CEP290: variants seen among roughly 807,000 people sequenced by gnomAD.
CEP290 encodes centrosomal protein 290.
A neutral mutation model predicts 344.9 loss-of-function variants in CEP290; 317 were observed. The observed-to-expected ratio is 0.92, with a 90% CI of 0.84 to 1.01. The LOEUF (loss-of-function observed/expected upper bound fraction) is 1.01, where lower values mean the gene tolerates loss of function less well. CEP290 is among the 50% of genes least tolerant of loss of function. The probability of loss-of-function intolerance (pLI) is 0.00; values close to 1 mark genes in which losing one functional copy is unlikely to be tolerated. For synonymous variants in CEP290, 932 were observed against 895.8 expected, an observed-to-expected ratio of 1.04 and a Z score of -0.72; for missense variants, 2,754 against 2,761.4, an observed-to-expected ratio of 1.00 and a Z score of 0.06.
At chr12:88,056,265 A>C (rs1444526158) in intron 49 of CEP290, among the ~76,000 whole-genome samples, 2 of 152,076 alleles carry the variant, frequency 1.3e-5, no homozygotes, top group African/African-American at 4.8e-5. Flanking sequence ...TAGTTCAAAA[A>C]AATACAGACT....
At chr12:88,104,414 T>C (rs2038122137) in intron 25 of CEP290, among the ~76,000 whole-genome samples, 1 of 152,104 alleles carries the variant, frequency 6.6e-6, no homozygotes, top group Admixed American at 6.5e-5. Flanking sequence ...TAACCTGTCT[T>C]GTCTTTGTTT....
chr12:88,109,207 T>C, intron 22 of CEP290, 26 bp from the exon 23 acceptor site: 1 of 754,976 alleles, frequency 1.3e-6, no homozygotes, highest in South Asian at 1.9e-5. Context: ...GAAATAAGAA[T>C]GCAAAAAAAA....
chr12:88,138,274 A>T (rs2138242846), intron 5 of CEP290, among the ~76,000 whole-genome samples: 1 of 152,226 alleles, frequency 6.6e-6, no homozygotes, highest in African/African-American at 2.4e-5. Flanking sequence ...CTTTCCTACC[A>T]ATATCTTCAA....
Position 88,064,105 on chromosome 12 carries a change from A to G in CEP290, c.6146T>C (p.Ile2049Thr). 2 of 1,562,212 alleles carry G rather than the reference A, an allele frequency of 1.3e-6. No individual in the cohort carries two copies. The highest frequency in any genetic ancestry group is 1.7e-6 in the Non-Finnish European group (2 of 1,154,370). ...DTYSKPSISG[I>T]ESDDHCQREQ... ...TCTCTGACAATGATCATCTGACTCT[A>G]TTCCTGAAATCTTCAGGGAAATGAA... is the stretch of plus-strand genomic sequence containing the variant. The change falls in exon 45 of 54, where the codon ATA becomes ACA. Residue 2049 changes from isoleucine to threonine, a missense_variant. Ile to Thr is a moderately conservative substitution (Grantham distance 89). Transcript: ENST00000552810.
chr12:88,137,871 C>A (rs953018131), intron 5 of CEP290, among the ~76,000 whole-genome samples: 2 of 152,138 alleles, frequency 1.3e-5, no homozygotes, highest in African/African-American at 4.8e-5. Flanking sequence ...ATAGAAACTT[C>A]AGCTGCTTTC....
Position 88,059,500 on chromosome 12 carries a change from CG to C in CEP290, c.6645+397del, listed in dbSNP as rs2034289455. ...TCGGCTCACTGCAACCTCTGCCTCC[CG>C]GGTTCAAGCGATTCTCCTGCCTCAG... On this transcript the variant is annotated intron_variant, in intron 48 of 53. Transcript: ENST00000552810. 2.0e-5 allele frequency among the ~76,000 whole-genome samples: 3 copies of C among 151,768 alleles called. No individual in the cohort carries two copies. In the South Asian group the frequency reaches 6.3e-4, roughly 32 times the overall value.
Position 88,092,742 on chromosome 12 carries a change from C to A in CEP290, c.3400G>T (p.Asp1134Tyr), listed in dbSNP as rs533366479. 6.2e-7 allele frequency: 1 copy of A among 1,610,216 alleles called. No individual in the cohort carries two copies. The highest frequency in any genetic ancestry group is 1.3e-5 in the African/African-American group (1 of 74,838). The change falls in exon 29 of 54, where the codon GAT becomes TAT. Residue 1134 changes from aspartate to tyrosine, a missense_variant. Physicochemically the swap from Asp to Tyr is radical, Grantham distance 160. Transcript: ENST00000552810. ...TCTAATTCTAGAATCCGTTGCCTAT[C>A]AGCATCACTTACTGCCTTGCTCACA... Reference protein sequence around the residue: ...DSVSKAVSDADRQRILELEKN... With the variant: ...DSVSKAVSDAYRQRILELEKN...
chr12:88,120,134 T>C lies in CEP290; in HGVS notation c.1502A>G (p.Glu501Gly). ...LKISDFLDEN[E>G]ALRERVGLEP... is the part of the protein sequence containing the mutation. ...CTTACCCACACGCTCTCTAAGTGCC[T>C]CATTTTCATCAAGGAAATCACTGAT... The change falls in exon 15 of 54, where the codon GAG becomes GGG. Residue 501 changes from glutamate to glycine, a missense_variant. Glu to Gly is a moderately conservative substitution (Grantham distance 98, BLOSUM62 -2). Coordinates refer to ENST00000552810, the MANE Select transcript of CEP290 (RefSeq NM_025114.4). 1.3e-6 allele frequency: 2 copies of C among 1,548,948 alleles called. No homozygotes were observed. The highest frequency in any genetic ancestry group is 1.7e-4 in the Middle Eastern group (1 of 5,904).
chr12:88,138,333 C>G (rs1490682804), intron 5 of CEP290, among the ~76,000 whole-genome samples: 1 of 152,196 alleles, frequency 6.6e-6, no homozygotes, highest in African/African-American at 2.4e-5. Context: ...AACACTAACA[C>G]AGAACTGATC....
chr12:88,053,999 G>A (rs1403612725), intron 51 of CEP290, among the ~76,000 whole-genome samples: 1 of 152,172 alleles, frequency 6.6e-6, no homozygotes, highest in Non-Finnish European at 1.5e-5. Context: ...GGAGCTTAAT[G>A]AAAGCAGGCT....
Position 88,084,612 on chromosome 12 carries a change from G to A in CEP290, c.4678C>T (p.Gln1560Ter), listed in dbSNP as rs1167696567. 1 of 1,611,842 alleles carries A rather than the reference G, an allele frequency of 6.2e-7. No homozygotes were observed. Among genetic ancestry groups the A allele is most frequent in the East Asian group, 2.2e-5 (1 of 44,854 alleles). ...TCTCTGGCTTTTTCTAGAAGACGTTGATACTTCTTTAATACTTCTTCTTTT... is the reference window on the plus strand; with the variant it reads ...TCTCTGGCTTTTTCTAGAAGACGTTAATACTTCTTTAATACTTCTTCTTTT... ...NQKEEVLKKY[Q>*]RLLEKAREEQ... The change falls in exon 35 of 54, where the codon CAA (glutamine) becomes TAA (stop). Residue 1560 changes from glutamine (Q) to a stop codon, truncating the protein, a stop_gained. Coordinates refer to ENST00000552810, the MANE Select transcript of CEP290 (RefSeq NM_025114.4). LOFTEE classifies it high-confidence loss of function.
intron 32 of CEP290, 46 bp from the exon 33 acceptor site, chr12:88,086,544 G>A: frequency 7.7e-7 from 1 of 1,297,802 alleles, no homozygotes; most frequent in Non-Finnish European, 1.1e-6. Flanking sequence ...GAAGACATCA[G>A]GCACATAACA....
chr12:88,050,886 C>T (rs1186786225), intron 52 of CEP290, among the ~76,000 whole-genome samples: 1 of 152,088 alleles, frequency 6.6e-6, no homozygotes, highest in Non-Finnish European at 1.5e-5. Context: ...ATGTGCAAAA[C>T]GTGTCATGCA....
chr12:88,049,356 T>G lies in CEP290; in HGVS notation c.7268A>C (p.Glu2423Ala), dbSNP rs1264656685. 1 of 1,574,344 alleles carries G rather than the reference T, an allele frequency of 6.4e-7. No homozygotes were observed. Among genetic ancestry groups the G allele is most frequent in the Non-Finnish European group, 8.7e-7 (1 of 1,154,204 alleles). ...LENFDPSFFE[E>A]IEDLKYNYKE... ...GTAATTATACTTAAGATCTTCAATTTCTTCAAAAAATGAAGGATCAAAATT... is the reference window on the plus strand; with the variant it reads ...GTAATTATACTTAAGATCTTCAATTGCTTCAAAAAATGAAGGATCAAAATT... Residue 2423 changes from glutamate (E) to alanine (A), a missense_variant, in exon 54 of 54, where the codon GAA becomes GCA. Transcript: ENST00000552810.
intron 26 of CEP290, among the ~76,000 whole-genome samples, chr12:88,098,858 T>C (rs2037661655): frequency 6.6e-6 from 1 of 152,072 alleles, no homozygotes; most frequent in African/African-American, 2.4e-5. Flanking sequence ...GGAAATGATT[T>C]GGAGGACTGG....
chr12:88,053,877 C>A, intron 51 of CEP290, 131 bp from the exon 52 acceptor site: 1 of 519,016 alleles, frequency 1.9e-6, no homozygotes, highest in South Asian at 3.1e-5. Flanking sequence ...AACATTTACT[C>A]TCAATGCTAC....
chr12:88,080,807 T>C (rs1009483681), intron 37 of CEP290, among the ~76,000 whole-genome samples: 1 of 152,150 alleles, frequency 6.6e-6, no homozygotes, highest in African/African-American at 2.4e-5. Context: ...AAATGTTCAG[T>C]CCTAAGTATC....
At position 88,049,238 on chromosome 12, in the gene CEP290, A is replaced by G; in HGVS notation, c.7386T>C (p.Ala2462=). Residue 2462 remains alanine (A), a synonymous_variant, in exon 54 of 54, where the codon GCT becomes GCC. Transcript: ENST00000552810. The part of the protein sequence containing the change: ...LGVELTSPVA[A]SEEFEDEEES... ...CTTCTTCATCTTCAAACTCTTCAGAAGCAGCAACAGGGCTAGTTAATTCAA... is the reference window on the plus strand; with the variant it reads ...CTTCTTCATCTTCAAACTCTTCAGAGGCAGCAACAGGGCTAGTTAATTCAA... The G allele has an allele frequency of 1.2e-6, 2 of 1,608,786 alleles. No homozygotes were observed. The highest frequency in any genetic ancestry group is 1.7e-6 in the Non-Finnish European group (2 of 1,178,600).
intron 34 of CEP290, among the ~76,000 whole-genome samples, 155 bp downstream of exon 34, chr12:88,085,884 T>C (rs930812965): frequency 6.6e-5 from 10 of 152,198 alleles, no homozygotes; most frequent in African/African-American, 2.2e-4. Flanking sequence ...CTGTTCATTA[T>C]TGGCTATTAG....
Sources: gnomAD v4.1 joint callset for allele counts (sites outside exome capture counted in the v4.1 genomes callset) on GRCh38, gnomAD v4.1.1 for gene constraint, MANE v1.5 for transcripts, NCBI Gene and HGNC (gene_info 2026-07-23, HGNC 2026-07-21) for gene names.